The following CELF6 variants were observed in gnomAD, a reference collection of about 807,000 sequenced individuals.
CELF6 encodes the protein CUGBP Elav-like family member 6, also known as Bruno -like 6, RNA binding protein.
A neutral mutation model predicts 53.1 loss-of-function variants in CELF6; 32 were observed. The observed-to-expected ratio is 0.60, with a 90% CI of 0.46 to 0.81. The LOEUF (loss-of-function observed/expected upper bound fraction) is 0.81. Among genes scored for constraint, CELF6 ranks in the 30% least tolerant of loss-of-function variants. CELF6 has a pLI of 0.00. For missense variants in CELF6, 539 were observed against 669.5 expected (o/e 0.81, Z 2.15); for synonymous variants, 291 against 288.8 (o/e 1.01, Z -0.08).
At position 72,288,723 on chromosome 15, in the gene CELF6, C is replaced by T. The variant is rs997524023; in HGVS notation, c.1094-105G>A. ...ACCAATTCAGCCCAGTCCACCATAACCCTCACCCCAAGAGAGGTCGTTCTG... is the reference window on the plus strand; with the variant it reads ...ACCAATTCAGCCCAGTCCACCATAATCCTCACCCCAAGAGAGGTCGTTCTG... On this transcript the variant is annotated intron_variant, in intron 9 of 12. Coordinates refer to ENST00000287202, the MANE Select transcript of CELF6 (RefSeq NM_052840.5). The surrounding 1 kb of genome is among the most constrained non-coding windows in gnomAD (Gnocchi z 4.6). 2 of 1,383,374 alleles carry T rather than the reference C, an allele frequency of 1.4e-6. No individual in the cohort carries two copies. Among genetic ancestry groups the T allele is most frequent in the Non-Finnish European group, 2.0e-6 (2 of 992,870 alleles). 85.7% of individuals were successfully genotyped at this position (1,383,374 alleles called of 1,614,324 possible).
intron 12 of CELF6, 51 bp downstream of exon 12, chr15:72,287,186 G>C: frequency 6.6e-7 from 1 of 1,516,366 alleles, no homozygotes; most frequent in Non-Finnish European, 9.0e-7. Context: ...TCAAAGCTGG[G>C]AGGGCCTCAT....
At position 72,285,834 on chromosome 15, in the gene CELF6, C is replaced by A. The variant is rs1163795480; in HGVS notation, c.*537G>T. ...AATGAGACACAGAACAATCTTTCCA[C>A]AGCCCCCATCTGCCTAGGCTGGGGC... On this transcript the variant is annotated 3_prime_UTR_variant, in exon 13 of 13. Coordinates refer to ENST00000287202, the MANE Select transcript of CELF6 (RefSeq NM_052840.5). 1 of 152,668 alleles carries A rather than the reference C, an allele frequency of 6.6e-6. No homozygotes were observed. The highest frequency in any genetic ancestry group is 2.4e-5 in the African/African-American group (1 of 41,462). 9.5% of individuals were successfully genotyped at this position (152,668 alleles called of 1,614,324 possible). A position where few individuals can be genotyped will look rare whatever the true frequency, so the allele number is the denominator to read the frequency against.
Position 72,299,905 on chromosome 15 carries a change from C to T in CELF6, c.394+4841G>A, listed in dbSNP as rs546324276. On this transcript the variant is annotated intron_variant, in intron 3 of 12. Coordinates refer to ENST00000287202, the MANE Select transcript of CELF6 (RefSeq NM_052840.5). The stretch of plus-strand genomic sequence containing the variant: ...TATATCCACAAAGACCCAGATGCAC[C>T]TCTGGTACTCTGAGAAAAGTGTTGC... 4.3e-4 allele frequency among the ~76,000 whole-genome samples: 65 copies of T among 152,240 alleles called. 1 individual carries two copies. In the Middle Eastern group the frequency reaches 0.014, roughly 32 times the overall value.
intron 12 of CELF6, among the ~76,000 whole-genome samples, chr15:72,286,942 C>T (rs539596521): frequency 1.1e-4 from 17 of 152,316 alleles, no homozygotes; most frequent in South Asian, 8.3e-4. Context: ...GGACCCTCCC[C>T]GCATACAGGT....
At position 72,288,920 on chromosome 15, in the gene CELF6, G is replaced by C. The variant is rs1047976329; in HGVS notation, c.1041C>G (p.Pro347=). 3.2e-6 allele frequency: 5 copies of C among 1,550,456 alleles called. No individual in the cohort carries two copies. The highest frequency in any genetic ancestry group is 4.4e-6 in the Non-Finnish European group (5 of 1,146,918). ...CCTGCTGCAGGGGGTCAGCCACGCC[G>C]GGGCTCTGGGCTGGGGAGAGAGGGG... ...NGLSPYPAQS[P]GVADPLQQAY... The change falls in exon 9 of 13, where the codon CCC becomes CCG. Residue 347 remains proline (P), a synonymous_variant. Transcript: ENST00000287202. This position sits in a 1 kb window ranked among gnomAD's most constrained non-coding sequence, Gnocchi z 4.6.
chr15:72,297,276 C>T (rs544527475), intron 3 of CELF6, among the ~76,000 whole-genome samples: 1 of 152,318 alleles, frequency 6.6e-6, no homozygotes, highest in Admixed American at 6.5e-5. Flanking sequence ...TGACTAACAT[C>T]TCCCCTTTCT....
intron 3 of CELF6, among the ~76,000 whole-genome samples, chr15:72,299,442 C>G (rs2141193990): frequency 6.6e-6 from 1 of 150,820 alleles, no homozygotes; most frequent in Non-Finnish European, 1.5e-5. Context: ...TCACTGCAAC[C>G]TCCGCCTCCT....
intron 3 of CELF6, among the ~76,000 whole-genome samples, chr15:72,301,320 G>A (rs1359365921): frequency 2.6e-5 from 4 of 152,054 alleles, no homozygotes; most frequent in Non-Finnish European, 5.9e-5. Context: ...AAACATGGGA[G>A]TCTCATCCAT....
At position 72,288,727 on chromosome 15, in the gene CELF6, C is replaced by T; in HGVS notation, c.1094-109G>A. The stretch of plus-strand genomic sequence containing the variant: ...ATTCAGCCCAGTCCACCATAACCCT[C>T]ACCCCAAGAGAGGTCGTTCTGGGGG... On this transcript the variant is annotated intron_variant, in intron 9 of 12. Transcript: ENST00000287202. This position sits in a 1 kb window ranked among gnomAD's most constrained non-coding sequence, Gnocchi z 4.6. The T allele has an allele frequency of 2.9e-6, 4 of 1,371,666 alleles. No individual in the cohort carries two copies. The highest frequency in any genetic ancestry group is 4.8e-5 in the East Asian group (2 of 41,682). The allele number at this position is 1,371,666 out of a possible 1,614,324, so 85.0% of individuals were successfully genotyped here. A position where few individuals can be genotyped will look rare whatever the true frequency, so the allele number is the denominator to read the frequency against.
chr15:72,306,283 G>A (rs541925916), intron 2 of CELF6: 34 of 985,212 alleles, frequency 3.5e-5, no homozygotes, highest in Admixed American at 1.2e-4. Flanking sequence ...GAAAAACAGC[G>A]GCCTTCCCGT....
chr15:72,294,376 T>C (rs1431358966), intron 3 of CELF6, among the ~76,000 whole-genome samples: 2 of 152,174 alleles, frequency 1.3e-5, no homozygotes, highest in Non-Finnish European at 1.5e-5. Context: ...CATTTTTCAA[T>C]GTAAATGCCA....
chr15:72,303,783 G>A (rs937913108), intron 3 of CELF6, among the ~76,000 whole-genome samples: 6 of 152,238 alleles, frequency 3.9e-5, no homozygotes, highest in African/African-American at 1.4e-4. Flanking sequence ...TGCCTTTACA[G>A]CTTGGAAGCT....
chr15:72,306,571 A>AAAT (rs897512947), intron 2 of CELF6, among the ~76,000 whole-genome samples: 1 of 150,996 alleles, frequency 6.6e-6, no homozygotes, highest in African/African-American at 2.4e-5. Context: ...AAAAAAAAAA[A>AAAT]AGGAAAAGAG....
intron 3 of CELF6, 90 bp from the exon 4 acceptor site, chr15:72,290,345 G>C: frequency 6.8e-7 from 1 of 1,460,642 alleles, no homozygotes; most frequent in Non-Finnish European, 9.1e-7. Flanking sequence ...CAGCTCACCA[G>C]TCTCACTCTG....
intron 3 of CELF6, 95 bp from the exon 4 acceptor site, chr15:72,290,350 A>C: frequency 1.4e-6 from 2 of 1,432,478 alleles, no homozygotes; most frequent in Non-Finnish European, 1.9e-6. Flanking sequence ...CACCAGTCTC[A>C]CTCTGGGAAG....
At chr15:72,310,202 C>A (rs545757699) in intron 2 of CELF6, among the ~76,000 whole-genome samples, 19 of 152,316 alleles carry the variant, frequency 1.2e-4, no homozygotes, top group South Asian at 1.2e-3. Flanking sequence ...TTTATCAGAA[C>A]CTTCTTGAGG....
intron 3 of CELF6, among the ~76,000 whole-genome samples, chr15:72,291,406 C>T (rs1167117940): frequency 6.6e-6 from 1 of 152,134 alleles, no homozygotes; most frequent in Non-Finnish European, 1.5e-5. Flanking sequence ...GGGGACAATA[C>T]AAGTTGGGAG....
At chr15:72,314,718 C>A (rs1233487939) in intron 2 of CELF6, among the ~76,000 whole-genome samples, 3 of 150,494 alleles carry the variant, frequency 2.0e-5, no homozygotes, top group Non-Finnish European at 2.9e-5. Context: ...CCTCAGCCTT[C>A]CAAGTAGCTG....
In CELF6 at chr15:72,305,726, G is replaced by A. The variant is rs55805411; in HGVS notation, c.346-932C>T. Among the ~76,000 whole-genome samples the A allele has an allele frequency of 7.9e-3, 1,195 of 152,170 alleles. 17 individuals are homozygous for A. Among genetic ancestry groups the A allele is most frequent in the African/African-American group, 0.027 (1,120 of 41,508 alleles). On this transcript the variant is annotated intron_variant, in intron 2 of 12. Transcript: ENST00000287202. ...CTCCTCTCCACACAGGGATGACTTA[G>A]AGCTCTGTGTCTCCAGCCTGCATTC...
Sources: gnomAD v4.1 joint callset for allele counts (sites outside exome capture counted in the v4.1 genomes callset) on GRCh38, gnomAD v4.1.1 for gene constraint, Gnocchi (gnomAD v3.1) non-coding constraint, MANE v1.5 for transcripts, NCBI Gene and HGNC (gene_info 2026-07-23, HGNC 2026-07-21) for gene names.